The following PRIMA1 variants were observed in gnomAD, a reference collection of about 807,000 sequenced individuals.
The protein encoded by PRIMA1 is proline-rich membrane anchor 1.
In PRIMA1, 7 loss-of-function variants were observed where a neutral mutation model predicts 17.5. That is an observed-to-expected ratio of 0.40 (90% CI 0.23 to 0.75). The LOEUF is 0.75. Among genes scored for constraint, PRIMA1 ranks in the 30% least tolerant of loss-of-function variants. PRIMA1 has a pLI of 0.37. For missense variants in PRIMA1, 200 were observed against 201.8 expected, an observed-to-expected ratio of 0.99 and a Z score of 0.05; for synonymous variants, 97 against 77.9, an observed-to-expected ratio of 1.25 and a Z score of -1.29.
At position 93,732,315 on chromosome 14, in the gene PRIMA1, A is replaced by C. The variant is rs887665922; in HGVS notation, c.359+4926T>G. On this transcript the variant is annotated intron_variant, in intron 4 of 4. Transcript: ENST00000393140. ...CCCAGGAAAACAGCCACATCCCTGCAAGTGCACAGGCCTGTGGGGCTCCCC... is the reference window on the plus strand; with the variant it reads ...CCCAGGAAAACAGCCACATCCCTGCCAGTGCACAGGCCTGTGGGGCTCCCC... Among the ~76,000 whole-genome samples, 10 of 152,308 alleles carry C rather than the reference A, an allele frequency of 6.6e-5. No homozygotes were observed. In the South Asian group the frequency reaches 1.9e-3, roughly 28 times the overall value.
At chr14:93,771,062 G>GTGTGTGCATGTA (rs1157580368) in intron 3 of PRIMA1, among the ~76,000 whole-genome samples, 2 of 149,204 alleles carry the variant, frequency 1.3e-5, no homozygotes, top group African/African-American at 4.9e-5. Context: ...GCATGTATGT[G>GTGTGTGCATGTA]TGTGTGTGCA....
intron 3 of PRIMA1, among the ~76,000 whole-genome samples, chr14:93,753,928 C>T (rs1235516904): frequency 6.6e-6 from 1 of 152,220 alleles, no homozygotes; most frequent in Non-Finnish European, 1.5e-5. Flanking sequence ...TACACAGAGT[C>T]ACGGGCACCG....
At chr14:93,730,362 A>G (rs1012638603) in intron 4 of PRIMA1, among the ~76,000 whole-genome samples, 1 of 152,212 alleles carries the variant, frequency 6.6e-6, no homozygotes, top group Non-Finnish European at 1.5e-5. Flanking sequence ...AGAGCTCTAT[A>G]CTCGTCCAGG....
intron 4 of PRIMA1, among the ~76,000 whole-genome samples, chr14:93,727,203 C>T (rs954523984): frequency 3.3e-5 from 5 of 152,190 alleles, no homozygotes; most frequent in African/African-American, 7.2e-5. Flanking sequence ...CGCTGAGCTG[C>T]GGCGGAACTG....
At chr14:93,748,557 C>T (rs1428673674) in intron 3 of PRIMA1, among the ~76,000 whole-genome samples, 1 of 152,110 alleles carries the variant, frequency 6.6e-6, no homozygotes, top group Non-Finnish European at 1.5e-5. Flanking sequence ...ACGGGGGACA[C>T]AGGCAGCGGC....
intron 4 of PRIMA1, among the ~76,000 whole-genome samples, chr14:93,722,720 T>TGGG (rs1195174000): frequency 5.7e-3 from 9 of 1,584 alleles, no homozygotes; most frequent in African/African-American, 4.0e-3. Flanking sequence ...GTTAGCGTAA[T>TGGG]GGTTGTGATG....
At chr14:93,723,238 G>T (rs1431629905) in intron 4 of PRIMA1, among the ~76,000 whole-genome samples, 2 of 152,158 alleles carry the variant, frequency 1.3e-5, no homozygotes, top group African/African-American at 4.8e-5. Flanking sequence ...GGGTGCCAGG[G>T]TTGAGCCCGG....
intron 3 of PRIMA1, among the ~76,000 whole-genome samples, chr14:93,775,744 G>A (rs987574537): frequency 4.6e-5 from 7 of 152,234 alleles, no homozygotes; most frequent in Non-Finnish European, 1.0e-4. Flanking sequence ...CTTCCATGCC[G>A]GAGGCACTCC....
At chr14:93,762,422 C>G (rs1476754801) in intron 3 of PRIMA1, among the ~76,000 whole-genome samples, 1 of 152,010 alleles carries the variant, frequency 6.6e-6, no homozygotes, top group African/African-American at 2.4e-5. Context: ...CCCCCCACCC[C>G]CCAATCCCAG....
intron 3 of PRIMA1, among the ~76,000 whole-genome samples, chr14:93,769,190 A>T (rs534245803): frequency 6.6e-6 from 1 of 152,328 alleles, no homozygotes; most frequent in Admixed American, 6.5e-5. Flanking sequence ...GCCAGTTTGG[A>T]TAAGAACTTT....
At chr14:93,778,982 T>A (rs1885302669) in intron 3 of PRIMA1, among the ~76,000 whole-genome samples, 194 bp downstream of exon 3, 1 of 152,006 alleles carries the variant, frequency 6.6e-6, no homozygotes, top group South Asian at 2.1e-4. Context: ...AACATCCTTC[T>A]CCATCTTGCA....
intron 3 of PRIMA1, among the ~76,000 whole-genome samples, chr14:93,771,159 T>C (rs932936857): frequency 1.3e-5 from 2 of 152,154 alleles, no homozygotes; most frequent in Admixed American, 6.5e-5. Context: ...TGTGCGCATG[T>C]ATGTGTGTGT....
Position 93,724,125 on chromosome 14 carries a change from T to A in PRIMA1, c.360-2579A>T, listed in dbSNP as rs188311980. Among the ~76,000 whole-genome samples the A allele has an allele frequency of 5.3e-3, 806 of 152,222 alleles. 3 individuals are homozygous for A. The highest frequency in any genetic ancestry group is 8.8e-3 in the Non-Finnish European group (600 of 68,000). On this transcript the variant is annotated intron_variant, in intron 4 of 4. Coordinates refer to ENST00000393140, the MANE Select transcript of PRIMA1 (RefSeq NM_178013.4). ...TTCTTGAACTCCTGGCCTCAAGTGATCCTCCCGTCTCGGCCTCCCAAAGTG... is the reference window on the plus strand; with the variant it reads ...TTCTTGAACTCCTGGCCTCAAGTGAACCTCCCGTCTCGGCCTCCCAAAGTG...
At chr14:93,776,312 A>G (rs1245628752) in intron 3 of PRIMA1, among the ~76,000 whole-genome samples, 1 of 152,246 alleles carries the variant, frequency 6.6e-6, no homozygotes, top group African/African-American at 2.4e-5. Context: ...TACTTGAAAC[A>G]GAAAAAGTCC....
intron 3 of PRIMA1, among the ~76,000 whole-genome samples, chr14:93,748,182 G>T (rs1016793161): frequency 3.9e-5 from 6 of 152,128 alleles, no homozygotes; most frequent in Non-Finnish European, 7.4e-5. Context: ...CGAGGGGGAA[G>T]AGCTGAGCCC....
At chr14:93,746,809 A>G (rs544226924) in intron 3 of PRIMA1, among the ~76,000 whole-genome samples, 69 of 152,164 alleles carry the variant, frequency 4.5e-4, no homozygotes, top group African/African-American at 1.6e-3. Flanking sequence ...GATTTCATGG[A>G]AATGTGGATG....
intron 3 of PRIMA1, among the ~76,000 whole-genome samples, chr14:93,738,250 G>T (rs1474198956): frequency 6.6e-6 from 1 of 152,140 alleles, no homozygotes; most frequent in East Asian, 1.9e-4. Flanking sequence ...TCTTGGGGTG[G>T]ACCTGAAGGA....
intron 3 of PRIMA1, among the ~76,000 whole-genome samples, chr14:93,774,846 C>T (rs61980279): frequency 0.14 from 21,359 of 152,246 alleles, 1,798 homozygotes; most frequent in African/African-American, 0.22. Context: ...CTTTCAGGAA[C>T]CCTCAACTCA....
At chr14:93,761,262 A>T (rs1884715738) in intron 3 of PRIMA1, among the ~76,000 whole-genome samples, 1 of 152,190 alleles carries the variant, frequency 6.6e-6, no homozygotes, top group African/African-American at 2.4e-5. Flanking sequence ...GAGGCATGAG[A>T]ATCGATTGAA....
Sources: gnomAD v4.1 joint callset for allele counts (sites outside exome capture counted in the v4.1 genomes callset) on GRCh38, gnomAD v4.1.1 for gene constraint, MANE v1.5 for transcripts, NCBI Gene and HGNC (gene_info 2026-07-23, HGNC 2026-07-21) for gene names.